The following HCN1 variants were observed in gnomAD, a reference collection of about 807,000 sequenced individuals.
The protein encoded by HCN1 is hyperpolarization activated cyclic nucleotide gated potassium channel 1.
HCN1 carries 13 observed loss-of-function variants against 78.9 expected under a neutral mutation model. The ratio of observed to expected loss-of-function variants is 0.16; its 90% CI spans 0.11 to 0.26. HCN1 has a LOEUF of 0.26. HCN1 is among the 10% of genes least tolerant of loss of function. The pLI is 1.00. For synonymous variants in HCN1, 552 were observed against 455.5 expected (o/e 1.21, Z -2.70); for missense variants, 810 against 1,154.3 (o/e 0.70, Z 4.32).
intron 5 of HCN1, among the ~76,000 whole-genome samples, chr5:45,347,115 C>T (rs1035100460): frequency 1.3e-5 from 2 of 152,166 alleles, no homozygotes; most frequent in East Asian, 3.9e-4. Context: ...GGAGGCACCT[C>T]CCAGTAGGGG....
intron 2 of HCN1, among the ~76,000 whole-genome samples, chr5:45,611,020 G>C (rs960503707): frequency 6.7e-6 from 1 of 150,032 alleles, no homozygotes; most frequent in Non-Finnish European, 1.5e-5. Context: ...ACCTATGTTT[G>C]TCCACTGAAA....
intron 2 of HCN1, among the ~76,000 whole-genome samples, chr5:45,499,879 C>T (rs552422483): frequency 8.5e-5 from 13 of 152,244 alleles, no homozygotes; most frequent in Admixed American, 5.9e-4. Flanking sequence ...CTCTTCCCAG[C>T]CTACTCTGTT....
At chr5:45,503,868 C>T (rs1742239170) in intron 2 of HCN1, among the ~76,000 whole-genome samples, 1 of 151,844 alleles carries the variant, frequency 6.6e-6, no homozygotes, top group African/African-American at 2.4e-5. Context: ...TCACTGCAAC[C>T]TCCACCTCCC....
intron 4 of HCN1, among the ~76,000 whole-genome samples, chr5:45,386,191 T>TTG (rs1579861141): frequency 6.6e-6 from 1 of 151,736 alleles, no homozygotes; most frequent in East Asian, 1.9e-4. Context: ...TTTTTTTTTT[T>TTG]TTTGGACAGG....
At chr5:45,428,681 T>C (rs982475719) in intron 3 of HCN1, among the ~76,000 whole-genome samples, 2 of 152,094 alleles carry the variant, frequency 1.3e-5, no homozygotes, top group Non-Finnish European at 2.9e-5. Flanking sequence ...TATTATTAAA[T>C]TAATGCATTG....
chr5:45,355,744 G>A (rs1349888958), intron 4 of HCN1, among the ~76,000 whole-genome samples: 3 of 151,890 alleles, frequency 2.0e-5, no homozygotes, highest in Non-Finnish European at 4.4e-5. Context: ...GCTGAGCCAG[G>A]AGACTGATTA....
chr5:45,537,737 A>C (rs1355435626), intron 2 of HCN1, among the ~76,000 whole-genome samples: 2 of 151,192 alleles, frequency 1.3e-5, no homozygotes, highest in African/African-American at 4.9e-5. Flanking sequence ...TCACTCTGTT[A>C]CCTTCCTATC....
chr5:45,330,815 T>C (rs2111951635), intron 5 of HCN1, among the ~76,000 whole-genome samples: 1 of 151,266 alleles, frequency 6.6e-6, no homozygotes, highest in East Asian at 1.9e-4. Flanking sequence ...TTTTCAAATA[T>C]ATTTTTACCT....
At chr5:45,527,932 G>A (rs1055112582) in intron 2 of HCN1, among the ~76,000 whole-genome samples, 53 of 145,792 alleles carry the variant, frequency 3.6e-4, no homozygotes, top group African/African-American at 1.3e-3. Flanking sequence ...TAAATTTAGG[G>A]TTTTTTTTTT....
intron 2 of HCN1, among the ~76,000 whole-genome samples, chr5:45,611,365 G>A (rs1320465460): frequency 1.4e-5 from 2 of 143,032 alleles, no homozygotes; most frequent in South Asian, 2.2e-4. Flanking sequence ...TCCACCTCCC[G>A]GGTTCAAGCA....
intron 1 of HCN1, among the ~76,000 whole-genome samples, chr5:45,688,419 G>A (rs1739848501): frequency 6.6e-6 from 1 of 152,056 alleles, no homozygotes; most frequent in Non-Finnish European, 1.5e-5. Context: ...CTGTGTATTG[G>A]GCAGGGAAAT....
chr5:45,495,173 C>G (rs1192663977), intron 2 of HCN1, among the ~76,000 whole-genome samples: 223 of 107,922 alleles, frequency 2.1e-3, no homozygotes, highest in African/African-American at 5.0e-3. Flanking sequence ...GGCATTGAAT[C>G]TATAAATTAC....
intron 5 of HCN1, among the ~76,000 whole-genome samples, chr5:45,315,037 T>C (rs1269604350): frequency 1.3e-5 from 2 of 152,236 alleles, no homozygotes; most frequent in African/African-American, 4.8e-5. Flanking sequence ...TATCCAGGAA[T>C]TGAACTCAGC....
At chr5:45,315,788 C>A (rs1308382232) in intron 5 of HCN1, among the ~76,000 whole-genome samples, 1 of 152,166 alleles carries the variant, frequency 6.6e-6, no homozygotes, top group Non-Finnish European at 1.5e-5. Flanking sequence ...ATAAACACCT[C>A]TATGCAAATA....
intron 6 of HCN1, 92 bp downstream of exon 6, chr5:45,303,507 C>G: frequency 7.2e-7 from 1 of 1,386,954 alleles, no homozygotes; most frequent in Non-Finnish European, 1.0e-6. Context: ...CATTCAAAAC[C>G]AAAAAACTGA....
At chr5:45,659,884 G>T (rs1165026215) in intron 1 of HCN1, among the ~76,000 whole-genome samples, 8 of 138,184 alleles carry the variant, frequency 5.8e-5, no homozygotes, top group Middle Eastern at 3.7e-3. Context: ...CACTCTGCAG[G>T]ATATTATCCA....
intron 1 of HCN1, among the ~76,000 whole-genome samples, chr5:45,672,249 T>C (rs1362831570): frequency 6.6e-6 from 1 of 151,654 alleles, no homozygotes. Flanking sequence ...AAAGGCTGTC[T>C]TAATTATTAG....
intron 5 of HCN1, among the ~76,000 whole-genome samples, chr5:45,326,171 G>C (rs918029475): frequency 1.3e-5 from 2 of 151,492 alleles, no homozygotes; most frequent in African/African-American, 4.8e-5. Flanking sequence ...CACATTGCAT[G>C]CCTGTACTAA....
chr5:45,618,899 T>C (rs922924109), intron 2 of HCN1, among the ~76,000 whole-genome samples: 3 of 151,948 alleles, frequency 2.0e-5, no homozygotes, highest in African/African-American at 7.2e-5. Flanking sequence ...ATATTGGGTT[T>C]GAAGCACCAT....
Sources: allele counts gnomAD v4.1 joint callset (sites outside exome capture counted in the v4.1 genomes callset), GRCh38; gene constraint gnomAD v4.1.1; transcripts MANE v1.5; gene names NCBI Gene and HGNC (gene_info 2026-07-23, HGNC 2026-07-21).